Variants in SUPV3L1 observed in about 807,000 individuals in gnomAD.
SUPV3L1 encodes ATP-dependent RNA helicase SUPV3L1, mitochondrial.
SUPV3L1 carries 35 observed loss-of-function variants against 70.0 expected under a neutral mutation model. The ratio of observed to expected loss-of-function variants is 0.50; its 90% CI spans 0.38 to 0.66. The LOEUF (loss-of-function observed/expected upper bound fraction) is 0.66. Ranked by LOEUF, SUPV3L1 falls within the 30% of genes least tolerant of loss-of-function variation. SUPV3L1 has a pLI of 0.00. For missense variants in SUPV3L1, 777 were observed against 961.5 expected (o/e 0.81, Z 2.54); for synonymous variants, 364 against 341.9 (o/e 1.06, Z -0.71).
intron 7 of SUPV3L1, 80 bp downstream of exon 7, chr10:69,195,345 A>G (rs74374342): frequency 7.1e-5 from 78 of 1,090,928 alleles, no homozygotes; most frequent in Non-Finnish European, 9.1e-5. Context: ...GCCATTGCCA[A>G]CCAAATAGAG....
chr10:69,185,504 C>CTTT (rs35590294), intron 1 of SUPV3L1, among the ~76,000 whole-genome samples: 9 of 139,512 alleles, frequency 6.5e-5, no homozygotes, highest in South Asian at 2.2e-4. Flanking sequence ...TCATTTTTCT[C>CTTT]TTTTTTTTTT....
intron 6 of SUPV3L1, among the ~76,000 whole-genome samples, chr10:69,193,651 C>CCGCCT (rs1474230878): frequency 2.6e-5 from 4 of 152,032 alleles, no homozygotes; most frequent in Non-Finnish European, 4.4e-5. Flanking sequence ...CTCAAGCAGT[C>CCGCCT]CGCCTCGCCT....
Position 69,187,139 on chromosome 10 carries a change from A to G in SUPV3L1, c.458-503A>G, listed in dbSNP as rs1842252128. Among the ~76,000 whole-genome samples, 3 of 152,136 alleles carry G rather than the reference A, an allele frequency of 2.0e-5. No homozygotes were observed. The South Asian group carries it at 6.2e-4, about 31-fold the overall frequency. On this transcript the variant is annotated intron_variant, in intron 3 of 14. Coordinates refer to ENST00000359655, the MANE Select transcript of SUPV3L1 (RefSeq NM_003171.5). ...GTTTGCGCCTTCATCTCTGTAATGT[A>G]CATGTCTAGGTTCTTTATTTTTAAT...
chr10:69,195,330 T>A, intron 7 of SUPV3L1, 65 bp downstream of exon 7: 1 of 1,260,938 alleles, frequency 7.9e-7, no homozygotes, highest in African/African-American at 1.5e-5. Context: ...CATTTTTATC[T>A]GCTTGCCATT....
intron 1 of SUPV3L1, among the ~76,000 whole-genome samples, chr10:69,182,076 CCTCCAA>C (rs1451496738): frequency 6.6e-6 from 1 of 151,014 alleles, no homozygotes; most frequent in Non-Finnish European, 1.5e-5. Context: ...CTCACTGTAA[CCTCCAA>C]CTCCCAGACT....
chr10:69,194,910 CTG>C (rs1842499497), intron 6 of SUPV3L1, among the ~76,000 whole-genome samples: 1 of 150,238 alleles, frequency 6.7e-6, no homozygotes, highest in African/African-American at 2.5e-5. Context: ...CTGCATTTAA[CTG>C]TATAACTTAA....
chr10:69,193,657 C>T (rs1166544540), intron 6 of SUPV3L1, among the ~76,000 whole-genome samples: 1 of 152,074 alleles, frequency 6.6e-6, no homozygotes, highest in Non-Finnish European at 1.5e-5. Context: ...CAGTCCGCCT[C>T]GCCTCGGCCT....
rs549863020 is a variant in SUPV3L1 at position 69,198,512 on chromosome 10, G to C, written c.1164G>C (p.Arg388=). ...IYSVSRQIEI[R]GLESAVIYGS... ...CTGTGAGTCGGCAGATTGAAATTCG[G>C]GGATTAGAATCAGCTGTTATATATG... The change falls in exon 9 of 15, where the codon CGG becomes CGC. Residue 388 remains arginine (R), a synonymous_variant. Transcript: ENST00000359655. 3.1e-6 allele frequency: 5 copies of C among 1,613,864 alleles called. No individual in the cohort carries two copies. The highest frequency in any genetic ancestry group is 1.3e-5 in the African/African-American group (1 of 74,878).
chr10:69,196,918 A>T, intron 7 of SUPV3L1, 74 bp from the exon 8 acceptor site: 2 of 1,296,796 alleles, frequency 1.5e-6, no homozygotes, highest in Non-Finnish European at 2.2e-6. Context: ...AACGTAAAGT[A>T]CTTTGGCTAT....
At chr10:69,189,140 G>A (rs1418930439) in intron 4 of SUPV3L1, 127 bp from the exon 5 acceptor site, 1 of 1,030,292 alleles carries the variant, frequency 9.7e-7, no homozygotes, top group South Asian at 2.3e-5. Flanking sequence ...CCATTGTTTA[G>A]TTTTTCAAAG....
At position 69,196,976 on chromosome 10, in the gene SUPV3L1, A is replaced by G. The variant is rs750298280; in HGVS notation, c.932-16A>G. Reference sequence around the variant, plus strand: ...ATAAATCTTTAAAATTAAGAAACCCAGTTTTGCATTGACAGGACTGTGTGC... The same window carrying G: ...ATAAATCTTTAAAATTAAGAAACCCGGTTTTGCATTGACAGGACTGTGTGC... On this transcript the variant is annotated splice_polypyrimidine_tract_variant and intron_variant, in intron 7 of 14. Transcript: ENST00000359655. 58 of 1,610,040 alleles carry G rather than the reference A, an allele frequency of 3.6e-5. No homozygotes were observed. The highest frequency in any genetic ancestry group is 2.7e-4 in the Admixed American group (16 of 59,848).
chr10:69,200,189 T>C (rs774561819), intron 10 of SUPV3L1, 91 bp from the exon 11 acceptor site: 3 of 1,044,698 alleles, frequency 2.9e-6, no homozygotes, highest in Admixed American at 4.9e-5. Context: ...CAAGAGGACC[T>C]AAGCTAGTAT....
intron 5 of SUPV3L1, among the ~76,000 whole-genome samples, 195 bp from the exon 6 acceptor site, chr10:69,191,460 C>T (rs1354478773): frequency 1.3e-5 from 2 of 152,060 alleles, no homozygotes; most frequent in African/African-American, 4.8e-5. Flanking sequence ...ATCTCTTGAC[C>T]TTGTGATCTG....
At chr10:69,205,839 C>T (rs538813284) in intron 13 of SUPV3L1, among the ~76,000 whole-genome samples, 80 of 152,124 alleles carry the variant, frequency 5.3e-4, no homozygotes, top group Non-Finnish European at 9.7e-4. Context: ...CCGGCCGCTC[C>T]GTGTGTTTTC....
At chr10:69,188,417 T>C (rs943799698) in intron 4 of SUPV3L1, among the ~76,000 whole-genome samples, 11 of 152,204 alleles carry the variant, frequency 7.2e-5, no homozygotes, top group Non-Finnish European at 1.5e-4. Flanking sequence ...TTCTTTTCTT[T>C]CAAGGATTGC....
In SUPV3L1 at chr10:69,208,818, C is replaced by T. The variant is rs767896057; in HGVS notation, c.2144C>T (p.Ala715Val). 6 of 1,614,092 alleles carry T rather than the reference C, an allele frequency of 3.7e-6. No homozygotes were observed. In the Admixed American group the frequency reaches 8.3e-5, roughly 22 times the overall value. Reference protein sequence around the residue: ...SQARRTRGTKALGSKATEPPS... With the variant: ...SQARRTRGTKVLGSKATEPPS... Reference sequence around the variant, plus strand: ...GCTAGAAGGACACGCGGCACCAAAGCTCTAGGGAGTAAAGCTACTGAGCCA... The same window carrying T: ...GCTAGAAGGACACGCGGCACCAAAGTTCTAGGGAGTAAAGCTACTGAGCCA... Residue 715 changes from alanine (A) to valine (V), a missense_variant, in exon 15 of 15, where the codon GCT becomes GTT. Physicochemically the swap from Ala to Val is moderately conservative, Grantham distance 64. Around this residue, in one of 2 missense-constraint regions of SUPV3L1, gnomAD observed 619 missense variants for 823.3 expected, o/e 0.75. Transcript: ENST00000359655.
At chr10:69,196,632 C>T (rs1842550447) in intron 7 of SUPV3L1, among the ~76,000 whole-genome samples, 1 of 152,128 alleles carries the variant, frequency 6.6e-6, no homozygotes, top group Non-Finnish European at 1.5e-5. Context: ...CTCCAACCCC[C>T]AACCTCTGAG....
Position 69,180,470 on chromosome 10 carries a change from A to G in SUPV3L1, c.179A>G (p.Asn60Ser), listed in dbSNP as rs1842021732. 1.2e-6 allele frequency: 2 copies of G among 1,613,840 alleles called. No individual in the cohort carries two copies. Among genetic ancestry groups the G allele is most frequent in the South Asian group, 2.2e-5 (2 of 91,072 alleles). ...SSASGGSKIPNTSLFVPLTVK... is the reference protein window; with the variant it reads ...SSASGGSKIPSTSLFVPLTVK... ...GCCTCCGGTGGCTCCAAAATACCAA[A>G]CACGTCCTTGTTCGTGCCCCTGACT... The change falls in exon 1 of 15, where the codon AAC becomes AGC. Residue 60 changes from asparagine to serine, a missense_variant. Physicochemically the swap from Asn to Ser is conservative, Grantham distance 46. Coordinates refer to ENST00000359655, the MANE Select transcript of SUPV3L1 (RefSeq NM_003171.5).
intron 4 of SUPV3L1, among the ~76,000 whole-genome samples, chr10:69,188,421 G>A (rs1842295708): frequency 6.6e-6 from 1 of 152,138 alleles, no homozygotes; most frequent in African/African-American, 2.4e-5. Flanking sequence ...TTTCTTTCAA[G>A]GATTGCAGTC....
Sources: gnomAD v4.1 joint callset for allele counts (sites outside exome capture counted in the v4.1 genomes callset) on GRCh38, gnomAD v4.1.1 for gene constraint, gnomAD v4.1.1 regional missense constraint, MANE v1.5 for transcripts, NCBI Gene and HGNC (gene_info 2026-07-23, HGNC 2026-07-21) for gene names.